Variants in SERINC4 observed in about 807,000 individuals in gnomAD.
SERINC4 encodes the protein serine incorporator 4.
A neutral mutation model predicts 52.0 loss-of-function variants in SERINC4; 52 were observed. The ratio of observed to expected loss-of-function variants is 1.00; its 90% CI spans 0.80 to 1.26. SERINC4 has a LOEUF of 1.26. Among genes scored for constraint, SERINC4 ranks in the 50% most tolerant of loss-of-function variants. The probability of loss-of-function intolerance (pLI) is 0.00; values close to 1 mark genes in which losing one functional copy is unlikely to be tolerated. For missense variants in SERINC4, 723 were observed against 632.8 expected, an observed-to-expected ratio of 1.14 and a Z score of -1.53; for synonymous variants, 264 against 247.7, an observed-to-expected ratio of 1.07 and a Z score of -0.62.
Position 43,800,080 on chromosome 15 carries a change from T to C in SERINC4, c.-94A>G. 1.0e-6 allele frequency: 1 copy of C among 976,256 alleles called. No individual in the cohort carries two copies. The highest frequency in any genetic ancestry group is 1.7e-5 in the South Asian group (1 of 58,542). 60.5% of individuals were successfully genotyped at this position (976,256 alleles called of 1,614,324 possible). A position where few individuals can be genotyped will look rare whatever the true frequency, so the allele number is the denominator to read the frequency against. On this transcript the variant is annotated 5_prime_UTR_variant, in exon 1 of 12. Coordinates refer to ENST00000319327, the MANE Select transcript of SERINC4 (RefSeq NM_001258031.2). The stretch of plus-strand genomic sequence containing the variant: ...CTCAGCCCATTGGACTGCCACTGTG[T>C]TGGGGCTGAGCACCCGGTCCCGGGC...
At chr15:43,795,237 A>G (rs770881958) in intron 11 of SERINC4, 24 bp from the exon 12 acceptor site, 1 of 1,611,662 alleles carries the variant, frequency 6.2e-7, no homozygotes, top group African/African-American at 1.3e-5. Flanking sequence ...GGCTCTGGTT[A>G]GAGAATATGA....
In SERINC4 at chr15:43,795,089, A is replaced by G. The variant is rs151106509; in HGVS notation, c.1468T>C (p.Trp490Arg). The part of the protein sequence containing the change: ...YLGLLLAPLC[W>R]PPTQKPQPLI... ...GGCTGGGGTTTCTGGGTGGGGGGCC[A>G]ACAGAGTGGTGCCAGTAACAGCCCC... is the stretch of plus-strand genomic sequence containing the variant. Residue 490 changes from tryptophan to arginine, a missense_variant, in exon 12 of 12, where the codon TGG becomes CGG. Trp to Arg is a moderately radical substitution (Grantham distance 101). Coordinates refer to ENST00000319327, the MANE Select transcript of SERINC4 (RefSeq NM_001258031.2). The G allele has an allele frequency of 4.3e-4, 699 of 1,613,824 alleles. 1 individual carries two copies. Among genetic ancestry groups the G allele is most frequent in the Middle Eastern group, 1.4e-3 (8 of 5,826 alleles).
At chr15:43,798,055 T>TC in intron 4 of SERINC4, 42 bp from the exon 5 acceptor site, 7 of 1,037,796 alleles carry the variant, frequency 6.7e-6, no homozygotes, top group Non-Finnish European at 9.4e-6. Flanking sequence ...AATTGTTACT[T>TC]TTTTTTTTTT....
Position 43,797,159 on chromosome 15 carries a change from G to A in SERINC4, c.830C>T (p.Pro277Leu). ...CATGTACCCACTGAGGCGGATGCAA[G>A]GAGCGATGGAGAGGAAGGAGATGAG... The part of the protein sequence containing the change: ...CGLISFLSIA[P>L]CIRLKQPRSG... Residue 277 changes from proline to leucine, a missense_variant, in exon 6 of 12, where the codon CCT becomes CTT. By Grantham distance (98) the Pro-to-Leu change is moderately conservative. Coordinates refer to ENST00000319327, the MANE Select transcript of SERINC4 (RefSeq NM_001258031.2). 4 of 1,551,304 alleles carry A rather than the reference G, an allele frequency of 2.6e-6. No homozygotes were observed. Among genetic ancestry groups the A allele is most frequent in the Non-Finnish European group, 3.5e-6 (4 of 1,147,060 alleles).
rs772059515 is a variant in SERINC4 at position 43,795,483 on chromosome 15, G to T, written c.1248C>A (p.Val416=). ...AGTTGTAGGAAAGATGCTGGACTTG[G>T]ACTGGAGGAGCTGGAGGGGTTTCTT... ...ADQETPPAPP[V]QVQHLSYNYS... The change falls in exon 11 of 12, where the codon GTC becomes GTA. Residue 416 remains valine, a synonymous_variant. Transcript: ENST00000319327. 5.6e-6 allele frequency: 9 copies of T among 1,614,082 alleles called. No homozygotes were observed. The East Asian group carries it at 1.8e-4, about 32-fold the overall frequency.
rs1411793154 is a variant in SERINC4, at chr15:43,798,539, A to G, written c.459-35T>C. ...AGGGAGAAAGAAAAACAGACTCAGG[A>G]GAAAAGGCAAAGGACAGTGAAGAGT... On this transcript the variant is annotated intron_variant, in intron 3 of 11. Transcript: ENST00000319327. The G allele has an allele frequency of 2.0e-6, 3 of 1,518,878 alleles. No homozygotes were observed. In the African/African-American group the frequency reaches 4.1e-5, roughly 21 times the overall value. 94.1% of individuals were successfully genotyped at this position (1,518,878 alleles called of 1,614,324 possible).
chr15:43,799,205 G>C, intron 2 of SERINC4, 68 bp from the exon 3 acceptor site: 4 of 1,507,848 alleles, frequency 2.7e-6, no homozygotes, highest in South Asian at 2.4e-5. Flanking sequence ...ACTTGTCACG[G>C]GTATGACCAC....
At chr15:43,798,575 A>G in intron 3 of SERINC4, 71 bp from the exon 4 acceptor site, 1 of 1,192,198 alleles carries the variant, frequency 8.4e-7, no homozygotes, top group East Asian at 2.3e-5. Flanking sequence ...GCCTATGGGG[A>G]AAGGCAAAAG....
At position 43,796,658 on chromosome 15, in the gene SERINC4, A is replaced by G. The variant is rs201834558; in HGVS notation, c.1025T>C (p.Met342Thr). 12 of 1,614,134 alleles carry G rather than the reference A, an allele frequency of 7.4e-6. No individual in the cohort carries two copies. The Middle Eastern group carries it at 5.0e-4, about 67-fold the overall frequency. ...EPQTPDISLA[M>T]LSASIMYACV... The stretch of plus-strand genomic sequence containing the variant: ...AGCATACATGATGCTAGCACTCAGC[A>G]TTGCTAGAGAGATATCTGGTGTTTG... The change falls in exon 8 of 12, where the codon ATG becomes ACG. Residue 342 changes from methionine (M) to threonine (T), a missense_variant. Physicochemically the swap from Met to Thr is moderately conservative, Grantham distance 81. Transcript: ENST00000319327.
Position 43,794,169 on chromosome 15 carries a change from A to C in SERINC4, c.*831T>G. 1 of 558,232 alleles carries C rather than the reference A, an allele frequency of 1.8e-6. No homozygotes were observed. The highest frequency in any genetic ancestry group is 3.1e-6 in the Non-Finnish European group (1 of 319,818). The allele number at this position is 558,232 out of a possible 1,614,324, so 34.6% of individuals were successfully genotyped here. A position where few individuals can be genotyped will look rare whatever the true frequency, so the allele number is the denominator to read the frequency against. ...GTGGGTATGTAGACTTAATAAGTGA[A>C]ACATCACAGAAGAAGCCTTTATTAT... On this transcript the variant is annotated 3_prime_UTR_variant, in exon 12 of 12. Coordinates refer to ENST00000319327, the MANE Select transcript of SERINC4 (RefSeq NM_001258031.2).
At chr15:43,799,259 G>A (rs1460376275) in intron 2 of SERINC4, 51 bp downstream of exon 2, 2 of 1,530,528 alleles carry the variant, frequency 1.3e-6, no homozygotes, top group South Asian at 1.2e-5. Flanking sequence ...CTATCTTAGG[G>A]TTTTTCCTTT....
At chr15:43,795,620 C>T (rs1191905411) in intron 10 of SERINC4, 68 bp downstream of exon 10, 4 of 1,610,446 alleles carry the variant, frequency 2.5e-6, no homozygotes, top group African/African-American at 1.3e-5. Flanking sequence ...TTTGTTAAGG[C>T]TCTTGAGGGT....
At position 43,799,471 on chromosome 15, in the gene SERINC4, G is replaced by T. The variant is rs763608312; in HGVS notation, c.118C>A (p.Pro40Thr). The T allele has an allele frequency of 1.5e-5, 24 of 1,550,666 alleles. No individual in the cohort carries two copies. The highest frequency in any genetic ancestry group is 5.9e-5 in the Admixed American group (3 of 50,976). The change falls in exon 2 of 12, where the codon CCT becomes ACT. Residue 40 changes from proline to threonine, a missense_variant. Pro to Thr is a conservative substitution (Grantham distance 38). Transcript: ENST00000319327. Reference protein sequence around the residue: ...SPFCQVCCCGPAPCASCCHSR... With the variant: ...SPFCQVCCCGTAPCASCCHSR... ...TGGCAGCAGCTGGCACAAGGAGCAG[G>T]CCCACAGCAGCACACCTGGGAGTAG...
rs1363939078 is a variant in SERINC4, at chr15:43,797,185, G to A, written c.804C>T (p.Gly268=). The A allele has an allele frequency of 1.3e-6, 2 of 1,550,778 alleles. No homozygotes were observed. Among genetic ancestry groups the A allele is most frequent in the Non-Finnish European group, 8.7e-7 (1 of 1,146,706 alleles). Residue 268 remains glycine (G), a synonymous_variant, in exon 6 of 12, where the codon GGC becomes GGT. Transcript: ENST00000319327. ...MLLSLHLCFC[G]LISFLSIAPC... Reference sequence around the variant, plus strand: ...GAGCGATGGAGAGGAAGGAGATGAGGCCACAGAAGCAAAGGTGCAGACTGA... The same window carrying A: ...GAGCGATGGAGAGGAAGGAGATGAGACCACAGAAGCAAAGGTGCAGACTGA...
rs2087163423 is a variant in SERINC4 at position 43,794,806 on chromosome 15, GCT to G, written c.*192_*193del. 3 of 559,508 alleles carry G rather than the reference GCT, an allele frequency of 5.4e-6. No homozygotes were observed. The highest frequency in any genetic ancestry group is 5.0e-5 in the South Asian group (2 of 40,252). The allele number at this position is 559,508 out of a possible 1,614,324, so 34.7% of individuals were successfully genotyped here. ...GAGCTGGGATGCAGATGTAACAGTAGCTCCAGTGAGTCAGACACTCTGCCCAG... is the reference window on the plus strand; with the variant it reads ...GAGCTGGGATGCAGATGTAACAGTAGCCAGTGAGTCAGACACTCTGCCCAG... On this transcript the variant is annotated 3_prime_UTR_variant, in exon 12 of 12. Transcript: ENST00000319327.
rs1238652591 is a variant in SERINC4, at chr15:43,794,976, G to T, written c.*24C>A. 6.3e-7 allele frequency: 1 copy of T among 1,580,928 alleles called. No individual in the cohort carries two copies. Among genetic ancestry groups the T allele is most frequent in the Non-Finnish European group, 8.6e-7 (1 of 1,160,048 alleles). On this transcript the variant is annotated 3_prime_UTR_variant, in exon 12 of 12. Coordinates refer to ENST00000319327, the MANE Select transcript of SERINC4 (RefSeq NM_001258031.2). ...CCAACTCTAGGAGTACAATGTCAGG[G>T]GAACCCCAGTTTGTGAAAAGGACTT... is the stretch of plus-strand genomic sequence containing the variant.
chr15:43,798,767 G>C, intron 3 of SERINC4, 192 bp downstream of exon 3: 1 of 644,136 alleles, frequency 1.6e-6, no homozygotes, highest in South Asian at 1.9e-5. Flanking sequence ...TAACCCCACT[G>C]TTACCTCCAT....
At position 43,797,419 on chromosome 15, in the gene SERINC4, GTC is replaced by G. The variant is rs1596047585; in HGVS notation, c.633-65_633-64del. 7.1e-6 allele frequency: 9 copies of G among 1,266,990 alleles called. No homozygotes were observed. The East Asian group carries it at 2.3e-4, about 32-fold the overall frequency. 78.5% of individuals were successfully genotyped at this position (1,266,990 alleles called of 1,614,324 possible). ...CATTTTTTTTTTTTTTGAGTTGGGAGTCTTGCTCTGTTGCCCAGGCTGGAGTG... is the reference window on the plus strand; with the variant it reads ...CATTTTTTTTTTTTTTGAGTTGGGAGTTGCTCTGTTGCCCAGGCTGGAGTG... On this transcript the variant is annotated intron_variant, in intron 5 of 11. Coordinates refer to ENST00000319327, the MANE Select transcript of SERINC4 (RefSeq NM_001258031.2).
chr15:43,798,766 T>C, intron 3 of SERINC4, 193 bp downstream of exon 3: 3 of 641,896 alleles, frequency 4.7e-6, no homozygotes, highest in Non-Finnish European at 8.3e-6. Context: ...ATAACCCCAC[T>C]GTTACCTCCA....
Sources: gnomAD v4.1 joint callset for allele counts on GRCh38, gnomAD v4.1.1 for gene constraint, MANE v1.5 for transcripts, NCBI Gene and HGNC (gene_info 2026-07-23, HGNC 2026-07-21) for gene names.